Variants in FRMD4A observed in about 807,000 individuals in gnomAD.
FRMD4A encodes FERM domain-containing protein 4A.
FRMD4A carries 29 observed loss-of-function variants against 129.1 expected under a neutral mutation model. The observed-to-expected ratio is 0.22, with a 90% CI of 0.17 to 0.31. The LOEUF (loss-of-function observed/expected upper bound fraction) is 0.31, where lower values mean the gene tolerates loss of function less well. Ranked by LOEUF, FRMD4A falls within the 10% of genes least tolerant of loss-of-function variation. The pLI is 1.00. For synonymous variants in FRMD4A, 634 were observed against 571.6 expected, an observed-to-expected ratio of 1.11 and a Z score of -1.56; for missense variants, 1,272 against 1,375.8, an observed-to-expected ratio of 0.92 and a Z score of 1.19.
At chr10:13,813,311 G>A in intron 3 of FRMD4A, among the ~76,000 whole-genome samples, 1 of 152,224 alleles carries the variant, frequency 6.6e-6, no homozygotes, top group East Asian at 1.9e-4. Flanking sequence ...CAGGCGTGGT[G>A]GCGTGTGCTT....
chr10:14,198,829 G>A (rs1184479275), intron 2 of FRMD4A, among the ~76,000 whole-genome samples: 1 of 152,112 alleles, frequency 6.6e-6, no homozygotes, highest in African/African-American at 2.4e-5. Context: ...TATGAGCTGC[G>A]AGACCGCTCT....
At chr10:13,931,950 A>T (rs55722620) in intron 2 of FRMD4A, among the ~76,000 whole-genome samples, 17,117 of 124,712 alleles carry the variant, frequency 0.14, 1,026 homozygotes, top group African/African-American at 0.16. Context: ...CTCTGTCTCA[A>T]AAACCAACCA....
intron 2 of FRMD4A, among the ~76,000 whole-genome samples, chr10:14,097,946 T>A (rs916445075): frequency 6.9e-6 from 1 of 145,282 alleles, no homozygotes; most frequent in Admixed American, 7.0e-5. Context: ...TTACATATAT[T>A]ATATACAAAT....
chr10:14,278,847 T>C (rs1845426013), intron 2 of FRMD4A, among the ~76,000 whole-genome samples: 1 of 152,166 alleles, frequency 6.6e-6, no homozygotes, highest in Non-Finnish European at 1.5e-5. Context: ...AGAGCAATCT[T>C]TTTATTTTCT....
At chr10:14,312,403 T>A (rs191953128) in intron 2 of FRMD4A, among the ~76,000 whole-genome samples, 3 of 152,244 alleles carry the variant, frequency 2.0e-5, no homozygotes, top group Non-Finnish European at 4.4e-5. Flanking sequence ...AATTAAAAAC[T>A]AATTCGCATG....
intron 12 of FRMD4A, among the ~76,000 whole-genome samples, chr10:13,726,366 C>A (rs949916572): frequency 1.3e-5 from 2 of 152,214 alleles, no homozygotes; most frequent in Non-Finnish European, 2.9e-5. Context: ...CGTGAATTTA[C>A]AAAACATCTC....
At chr10:13,842,294 T>G (rs902109722) in intron 3 of FRMD4A, among the ~76,000 whole-genome samples, 1 of 152,212 alleles carries the variant, frequency 6.6e-6, no homozygotes, top group Admixed American at 6.5e-5. Context: ...TTAAAATAGT[T>G]CAGCTGTCCC....
chr10:14,119,156 A>G (rs1564309839), intron 2 of FRMD4A, among the ~76,000 whole-genome samples: 1 of 152,166 alleles, frequency 6.6e-6, no homozygotes. Flanking sequence ...CCCTCAATGC[A>G]GAGGGTGATA....
chr10:14,258,782 G>A (rs1180594987), intron 2 of FRMD4A, among the ~76,000 whole-genome samples: 5 of 152,212 alleles, frequency 3.3e-5, no homozygotes, highest in African/African-American at 1.2e-4. Flanking sequence ...TCCACCAATG[G>A]TTGAACAGAT....
chr10:13,733,579 G>A (rs917711723), intron 12 of FRMD4A, among the ~76,000 whole-genome samples: 10 of 152,104 alleles, frequency 6.6e-5, no homozygotes, highest in Admixed American at 2.0e-4. Context: ...CCCCGCCCCC[G>A]CAGCAGGCCT....
At chr10:13,883,485 T>C (rs9703681) in intron 2 of FRMD4A, among the ~76,000 whole-genome samples, 16 of 152,080 alleles carry the variant, frequency 1.1e-4, no homozygotes, top group Admixed American at 9.8e-4. Context: ...GGGTGAGACT[T>C]TGTCTCAAAA....
At chr10:14,018,521 A>G (rs972673064) in intron 2 of FRMD4A, among the ~76,000 whole-genome samples, 1 of 151,812 alleles carries the variant, frequency 6.6e-6, no homozygotes, top group African/African-American at 2.4e-5. Flanking sequence ...CTATAGAACA[A>G]TATATTTTAG....
At chr10:14,275,605 C>T (rs757641479) in intron 2 of FRMD4A, among the ~76,000 whole-genome samples, 6 of 152,304 alleles carry the variant, frequency 3.9e-5, no homozygotes, top group Admixed American at 6.5e-5. Context: ...AAGTTCAGTT[C>T]GTTTTAAAGT....
At chr10:13,651,751 TA>T in intron 24 of FRMD4A, 151 bp downstream of exon 24, 1 of 626,684 alleles carries the variant, frequency 1.6e-6, no homozygotes. Context: ...AACCTTCAGC[TA>T]AAAACATAGT....
intron 2 of FRMD4A, 76 bp downstream of exon 2, chr10:14,329,982 C>G: frequency 2.3e-6 from 3 of 1,332,782 alleles, no homozygotes; most frequent in Non-Finnish European, 3.2e-6. Flanking sequence ...GCCACTGCAG[C>G]GGCAGCAGCA....
At chr10:14,267,051 G>T (rs142005956) in intron 2 of FRMD4A, among the ~76,000 whole-genome samples, 2 of 152,318 alleles carry the variant, frequency 1.3e-5, no homozygotes, top group African/African-American at 4.8e-5. Context: ...TCCGCCTGGG[G>T]CAGGCAGATA....
intron 2 of FRMD4A, among the ~76,000 whole-genome samples, chr10:14,112,391 C>T (rs555981378): frequency 3.3e-5 from 5 of 152,164 alleles, no homozygotes; most frequent in South Asian, 2.1e-4. Flanking sequence ...CAGTTTGCGG[C>T]GGTCTCGATG....
intron 2 of FRMD4A, among the ~76,000 whole-genome samples, chr10:13,906,915 G>A (rs1314349617): frequency 2.0e-5 from 3 of 152,152 alleles, no homozygotes; most frequent in South Asian, 2.1e-4. Flanking sequence ...GGGAATGCCC[G>A]TCAGTCACAT....
intron 2 of FRMD4A, among the ~76,000 whole-genome samples, chr10:13,932,932 G>C (rs1034209629): frequency 1.3e-5 from 2 of 152,070 alleles, no homozygotes; most frequent in Admixed American, 6.6e-5. Context: ...AGGCTGAGGC[G>C]GGTGGATCAC....
Sources: gnomAD v4.1 joint callset for allele counts (sites outside exome capture counted in the v4.1 genomes callset) on GRCh38, gnomAD v4.1.1 for gene constraint, MANE v1.5 for transcripts, NCBI Gene and HGNC (gene_info 2026-07-23, HGNC 2026-07-21) for gene names.